The following RNF217 variants were observed in gnomAD, a reference collection of about 807,000 sequenced individuals.
RNF217 encodes ring finger protein 217, also known as E3 ubiquitin-protein ligase RNF217.
A neutral mutation model predicts 57.8 loss-of-function variants in RNF217; 31 were observed. The ratio of observed to expected loss-of-function variants is 0.54; its 90% CI spans 0.40 to 0.72. The LOEUF (loss-of-function observed/expected upper bound fraction) is 0.72, where lower values mean the gene tolerates loss of function less well. Among genes scored for constraint, RNF217 ranks in the 30% least tolerant of loss-of-function variants. The probability of loss-of-function intolerance (pLI) is 0.00; values close to 1 mark genes in which losing one functional copy is unlikely to be tolerated. For synonymous variants in RNF217, 313 were observed against 294.0 expected, an observed-to-expected ratio of 1.06 and a Z score of -0.66; for missense variants, 696 against 708.3, an observed-to-expected ratio of 0.98 and a Z score of 0.20.
chr6:124,962,924 C>A lies in RNF217; in HGVS notation c.380C>A (p.Ala127Glu). The A allele has an allele frequency of 6.3e-7, 1 of 1,597,924 alleles. No homozygotes were observed. Residue 127 changes from alanine to glutamate, a missense_variant, in exon 1 of 6, where the codon GCG becomes GAG. Transcript: ENST00000521654. The surrounding 1 kb of genome is among the most constrained non-coding windows in gnomAD (Gnocchi z 4.6). ...RKEGGDEQQE[A>E]PPGEELEPRT... ...GAGGGAGGGGATGAACAGCAGGAGG[C>A]GCCCCCCGGCGAAGAGCTGGAGCCC...
intron 3 of RNF217, among the ~76,000 whole-genome samples, chr6:125,058,814 T>C (rs1360557182): frequency 2.6e-5 from 4 of 152,140 alleles, no homozygotes; most frequent in African/African-American, 4.8e-5. Context: ...TAGGGATCTG[T>C]TGAAGTTTGA....
intron 2 of RNF217, among the ~76,000 whole-genome samples, chr6:125,053,760 A>G (rs1183372612): frequency 3.9e-5 from 6 of 152,112 alleles, no homozygotes; most frequent in African/African-American, 1.4e-4. Context: ...AAAGTCAAAA[A>G]TCTAATGTAA....
At chr6:125,054,593 A>T (rs1424262737) in intron 2 of RNF217, among the ~76,000 whole-genome samples, 1 of 152,196 alleles carries the variant, frequency 6.6e-6, no homozygotes, top group African/African-American at 2.4e-5. Flanking sequence ...CCATTCAACA[A>T]TGAGCACCCA....
At chr6:125,041,086 T>A (rs537245654) in intron 1 of RNF217, among the ~76,000 whole-genome samples, 1 of 152,168 alleles carries the variant, frequency 6.6e-6, no homozygotes, top group East Asian at 1.9e-4. Context: ...TGTTCTGACT[T>A]CTGTTGAAAA....
At position 124,965,963 on chromosome 6, in the gene RNF217, A is replaced by G. The variant is rs374848297; in HGVS notation, c.882+2537A>G. Among the ~76,000 whole-genome samples the G allele has an allele frequency of 2.3e-3, 351 of 152,366 alleles. 2 individuals carry two copies. The highest frequency in any genetic ancestry group is 8.0e-3 in the African/African-American group (331 of 41,588). On this transcript the variant is annotated intron_variant, in intron 1 of 5. Transcript: ENST00000521654. ...TTGTCTGGTATATAACAGATGGGCAACTAAAACCTACTGAATTTTTGAAAG... is the reference window on the plus strand; with the variant it reads ...TTGTCTGGTATATAACAGATGGGCAGCTAAAACCTACTGAATTTTTGAAAG...
rs552389312 is a variant in RNF217 at position 125,006,852 on chromosome 6, G to C, written c.883-38359G>C. ...TAATCCCAACTACTCGGGAGGCTGA[G>C]GCAGGAGAATCACTTGAACCCAGGA... is the stretch of plus-strand genomic sequence containing the variant. On this transcript the variant is annotated intron_variant, in intron 1 of 5. Transcript: ENST00000521654. Among the ~76,000 whole-genome samples the C allele has an allele frequency of 3.3e-5, 5 of 152,356 alleles. No homozygotes were observed. The East Asian group carries it at 9.7e-4, about 29-fold the overall frequency.
chr6:125,006,165 G>T (rs558452390), intron 1 of RNF217: 1 of 152,318 alleles, frequency 6.6e-6, no homozygotes, highest in East Asian at 1.9e-4. Context: ...TGAATGAAGA[G>T]TGGAGCATAA....
intron 3 of RNF217, among the ~76,000 whole-genome samples, chr6:125,061,277 T>C (rs1035383677): frequency 2.6e-5 from 4 of 152,136 alleles, no homozygotes; most frequent in African/African-American, 9.6e-5. Context: ...AATCAATTTA[T>C]AATTCCACCT....
At chr6:125,006,221 TGAA>T (rs1785173959) in intron 1 of RNF217, 1 of 152,126 alleles carries the variant, frequency 6.6e-6, no homozygotes, top group Non-Finnish European at 1.5e-5. Context: ...TTGCAATAAA[TGAA>T]GAAAAATAAG....
chr6:125,082,368 A>T, intron 5 of RNF217: 1 of 1,363,526 alleles, frequency 7.3e-7, no homozygotes, highest in Non-Finnish European at 9.8e-7. Flanking sequence ...GACAGATAGA[A>T]TTATAAAGTA....
chr6:125,060,924 G>A (rs772525371), intron 3 of RNF217, among the ~76,000 whole-genome samples: 13 of 152,090 alleles, frequency 8.5e-5, no homozygotes, highest in Non-Finnish European at 1.9e-4. Context: ...AGTTTTAGTT[G>A]TGATGTTCAA....
At chr6:125,051,534 A>G (rs1787318288) in intron 2 of RNF217, among the ~76,000 whole-genome samples, 1 of 152,028 alleles carries the variant, frequency 6.6e-6, no homozygotes, top group African/African-American at 2.4e-5. Context: ...GATCCCCTCT[A>G]CAATATGCCT....
At chr6:125,009,353 T>G (rs1785328163) in intron 1 of RNF217, 1 of 978,024 alleles carries the variant, frequency 1.0e-6, no homozygotes, top group Admixed American at 1.8e-5. Flanking sequence ...TCAAAACACC[T>G]CCTGTGAAGC....
rs1039044603 is a variant in RNF217 at position 125,085,213 on chromosome 6, T to C, written c.*2276T>C. On this transcript the variant is annotated 3_prime_UTR_variant, in exon 6 of 6. Transcript: ENST00000521654. ...CTTTAAATAACTTATCTTTTGGACA[T>C]ATTTTTATATTATTTGGAAAACTTT... is the stretch of plus-strand genomic sequence containing the variant. 1.3e-5 allele frequency: 2 copies of C among 151,966 alleles called. No individual in the cohort carries two copies. The highest frequency in any genetic ancestry group is 2.9e-5 in the Non-Finnish European group (2 of 67,868). The allele number at this position is 151,966 out of a possible 1,614,324, so 9.4% of individuals were successfully genotyped here. A position where few individuals can be genotyped will look rare whatever the true frequency, so the allele number is the denominator to read the frequency against.
At chr6:125,072,220 TTC>T (rs1178990164) in intron 3 of RNF217, among the ~76,000 whole-genome samples, 1 of 152,196 alleles carries the variant, frequency 6.6e-6, no homozygotes, top group African/African-American at 2.4e-5. Flanking sequence ...GCTAGTTTAT[TTC>T]TCTGTTAGTG....
At chr6:124,969,585 A>G (rs1384350228) in intron 1 of RNF217, among the ~76,000 whole-genome samples, 1 of 152,230 alleles carries the variant, frequency 6.6e-6, no homozygotes, top group Non-Finnish European at 1.5e-5. Flanking sequence ...CATTTATTGG[A>G]CATCTATCTT....
intron 1 of RNF217, among the ~76,000 whole-genome samples, chr6:124,969,868 G>C (rs1783695048): frequency 6.6e-6 from 1 of 152,032 alleles, no homozygotes; most frequent in South Asian, 2.1e-4. Context: ...CTATAGTTTT[G>C]GGGGGGTTGT....
chr6:125,010,209 G>C (rs1785365778), intron 1 of RNF217, among the ~76,000 whole-genome samples: 1 of 152,028 alleles, frequency 6.6e-6, no homozygotes, highest in Non-Finnish European at 1.5e-5. Context: ...GTGTTGTTAA[G>C]GTGCAGATAC....
chr6:125,055,139 C>G (rs1787474747), intron 2 of RNF217, among the ~76,000 whole-genome samples: 1 of 152,126 alleles, frequency 6.6e-6, no homozygotes, highest in Admixed American at 6.5e-5. Context: ...TCTTTTAATA[C>G]CAAAGTTGTT....
Sources: gnomAD v4.1 joint callset for allele counts (sites outside exome capture counted in the v4.1 genomes callset) on GRCh38, gnomAD v4.1.1 for gene constraint, Gnocchi (gnomAD v3.1) non-coding constraint, MANE v1.5 for transcripts, NCBI Gene and HGNC (gene_info 2026-07-23, HGNC 2026-07-21) for gene names.